The following CWC27 variants were observed in gnomAD, a reference collection of about 807,000 sequenced individuals.
CWC27 encodes the protein CWC27 spliceosome associated cyclophilin, also known as spliceosome-associated protein CWC27 homolog.
CWC27 carries 47 observed loss-of-function variants against 63.6 expected under a neutral mutation model. The observed-to-expected ratio is 0.74, with a 90% CI of 0.58 to 0.94. The LOEUF (loss-of-function observed/expected upper bound fraction) is 0.94, where lower values mean the gene tolerates loss of function less well. Among genes scored for constraint, CWC27 ranks in the 40% least tolerant of loss-of-function variants. The pLI, the probability that CWC27 is intolerant of heterozygous loss-of-function variation, is 0.00. For missense variants in CWC27, 495 were observed against 554.3 expected (o/e 0.89, Z 1.07); for synonymous variants, 175 against 179.8 (o/e 0.97, Z 0.22).
At chr5:64,795,792 G>A (rs1744244296) in intron 7 of CWC27, among the ~76,000 whole-genome samples, 2 of 151,968 alleles carry the variant, frequency 1.3e-5, no homozygotes, top group African/African-American at 4.8e-5. Flanking sequence ...TAGGTTCTGA[G>A]GGATTAGGAC....
rs145981318 is a variant in CWC27, at chr5:64,993,584, A to T, written c.1256+16346A>T. The stretch of plus-strand genomic sequence containing the variant: ...AATTTAGCATTCATAGAGAAAGAGG[A>T]GGAGAGTGGACAAGATTACCTTTTC... On this transcript the variant is annotated intron_variant, in intron 13 of 13. Transcript: ENST00000381070. Among the ~76,000 whole-genome samples the T allele has an allele frequency of 9.2e-5, 14 of 152,084 alleles. No homozygotes were observed. The South Asian group carries it at 1.5e-3, about 16-fold the overall frequency.
intron 12 of CWC27, among the ~76,000 whole-genome samples, chr5:64,976,695 A>T (rs1749233581): frequency 6.6e-6 from 1 of 151,894 alleles, no homozygotes; most frequent in Middle Eastern, 3.2e-3. Context: ...ACCACATCTG[A>T]CTTTTTTTCT....
intron 10 of CWC27, among the ~76,000 whole-genome samples, chr5:64,852,439 A>G (rs1253885139): frequency 6.6e-6 from 1 of 152,124 alleles, no homozygotes; most frequent in Admixed American, 6.6e-5. Flanking sequence ...AAAAGAGCCA[A>G]ACAGTGTTTT....
chr5:64,970,507 C>T (rs1471762638), intron 11 of CWC27, among the ~76,000 whole-genome samples: 2 of 152,232 alleles, frequency 1.3e-5, no homozygotes, highest in East Asian at 1.9e-4. Context: ...CCACCACGCC[C>T]GGCCGAAAGT....
chr5:65,004,909 T>TACACACACACACACAC (rs61613608), intron 13 of CWC27, among the ~76,000 whole-genome samples: 1 of 65,084 alleles, frequency 1.5e-5, no homozygotes, highest in African/African-American at 6.3e-5. Flanking sequence ...TATATATACA[T>TACACACACACACACAC]ACACACACAC....
chr5:64,836,011 A>C (rs1414598164), intron 10 of CWC27, among the ~76,000 whole-genome samples: 2 of 151,862 alleles, frequency 1.3e-5, no homozygotes, highest in African/African-American at 4.8e-5. Context: ...CCAAGAAGAA[A>C]ATATTTAATG....
At chr5:64,868,730 T>G (rs1209369482) in intron 10 of CWC27, among the ~76,000 whole-genome samples, 2 of 152,110 alleles carry the variant, frequency 1.3e-5, no homozygotes, top group African/African-American at 4.8e-5. Flanking sequence ...CAAGTTCATA[T>G]AGCCAATAAA....
intron 10 of CWC27, among the ~76,000 whole-genome samples, chr5:64,809,995 G>A (rs11740854): frequency 1.1e-4 from 17 of 151,498 alleles, no homozygotes; most frequent in Non-Finnish European, 2.4e-4. Flanking sequence ...GGCTATTCCC[G>A]CCTCTTTTTT....
chr5:64,999,726 T>G (rs1351131206), intron 13 of CWC27, among the ~76,000 whole-genome samples: 2 of 152,120 alleles, frequency 1.3e-5, no homozygotes, highest in East Asian at 3.8e-4. Context: ...GTTTTCTTTA[T>G]CCATTCATCC....
chr5:64,965,392 T>TTACA (rs1185928218), intron 11 of CWC27, among the ~76,000 whole-genome samples: 19 of 152,176 alleles, frequency 1.2e-4, no homozygotes, highest in Non-Finnish European at 2.4e-4. Context: ...AAGGATAAGA[T>TTACA]TACAGTCCAA....
intron 10 of CWC27, among the ~76,000 whole-genome samples, chr5:64,806,076 A>T (rs1165098998): frequency 7.3e-6 from 1 of 137,194 alleles, no homozygotes; most frequent in Admixed American, 6.8e-5. Context: ...TATACAAAAT[A>T]CCATAGACTG....
chr5:64,784,043 C>A, intron 4 of CWC27, 64 bp downstream of exon 4: 1 of 1,339,980 alleles, frequency 7.5e-7, no homozygotes, highest in Non-Finnish European at 1.0e-6. Context: ...CCTTAGACTT[C>A]TAAGATACAT....
At chr5:64,862,697 T>C (rs1746440146) in intron 10 of CWC27, among the ~76,000 whole-genome samples, 1 of 152,218 alleles carries the variant, frequency 6.6e-6, no homozygotes, top group Admixed American at 6.5e-5. Flanking sequence ...ATGTTGAATT[T>C]TTTTTAGTCT....
chr5:64,890,984 G>C (rs1727875118), intron 11 of CWC27, among the ~76,000 whole-genome samples: 1 of 152,082 alleles, frequency 6.6e-6, no homozygotes, highest in Non-Finnish European at 1.5e-5. Context: ...ATTCATTTTG[G>C]TAGCAGCAAG....
chr5:64,954,278 C>T lies in CWC27; in HGVS notation c.1043-17425C>T, dbSNP rs569877779. 6.9e-4 allele frequency among the ~76,000 whole-genome samples: 105 copies of T among 152,108 alleles called. 2 individuals are homozygous for T. The South Asian group carries it at 9.9e-3, about 14-fold the overall frequency. ...GGTCTTTCCAGTGACAACTACTTCC[C>T]TGATTTATTGTTCCTTTGTTTGTTT... On this transcript the variant is annotated intron_variant, in intron 11 of 13. Transcript: ENST00000381070.
At chr5:64,855,723 A>C (rs377055952) in intron 10 of CWC27, among the ~76,000 whole-genome samples, 1 of 152,128 alleles carries the variant, frequency 6.6e-6, no homozygotes. Context: ...AGTACAAGAA[A>C]ATTTCTACAG....
intron 13 of CWC27, among the ~76,000 whole-genome samples, chr5:65,005,103 A>G (rs1749818703): frequency 6.6e-6 from 1 of 151,684 alleles, no homozygotes; most frequent in Non-Finnish European, 1.5e-5. Flanking sequence ...GTATAGGCAC[A>G]CCAGGTGGGT....
chr5:65,018,294 G>C lies in CWC27; in HGVS notation c.1392G>C (p.Leu464=). 2 of 1,594,902 alleles carry C rather than the reference G, an allele frequency of 1.3e-6. No individual in the cohort carries two copies. The highest frequency in any genetic ancestry group is 1.7e-6 in the Non-Finnish European group (2 of 1,175,088). The change falls in exon 14 of 14, where the codon CTG becomes CTC. Residue 464 remains leucine, a synonymous_variant. Transcript: ENST00000381070. ...NKRRREESKK[L]MREKKERR is the part of the protein sequence containing the mutation. ...GAAGGAGGGAAGAAAGCAAAAAGCTGATGAGAGAGAAAAAAGAAAGAAGAT... is the reference window on the plus strand; with the variant it reads ...GAAGGAGGGAAGAAAGCAAAAAGCTCATGAGAGAGAAAAAAGAAAGAAGAT...
intron 10 of CWC27, among the ~76,000 whole-genome samples, chr5:64,856,154 C>G (rs776495683): frequency 1.3e-5 from 2 of 151,966 alleles, no homozygotes; most frequent in Admixed American, 6.6e-5. Context: ...TTTGAAAAAG[C>G]AAATAGATGT....
Sources: gnomAD v4.1 joint callset for allele counts (sites outside exome capture counted in the v4.1 genomes callset) on GRCh38, gnomAD v4.1.1 for gene constraint, MANE v1.5 for transcripts, NCBI Gene and HGNC (gene_info 2026-07-23, HGNC 2026-07-21) for gene names.